Variants in ZNF469 observed in about 807,000 individuals in gnomAD.
The protein encoded by ZNF469 is zinc finger protein 469.
ZNF469 carries 1 observed loss-of-function variant against 1.0 expected under a neutral mutation model. The observed-to-expected ratio is 1.00, with a 90% CI of 0.35 to 4.73. The LOEUF is 4.73. ZNF469 is among the 30% of genes most tolerant of loss of function. The pLI, the probability that ZNF469 is intolerant of heterozygous loss-of-function variation, is 0.16. For synonymous variants in ZNF469, 2,703 were observed against 2,363.4 expected, an observed-to-expected ratio of 1.14 and a Z score of -4.17; for missense variants, 6,100 against 5,356.3, an observed-to-expected ratio of 1.14 and a Z score of -4.33.
the ZNF469 span, chr16:88,178,029 C>T: frequency 4.0e-4 from 61 of 152,426 alleles, no homozygotes; most frequent in Non-Finnish European, 6.0e-4. Flanking sequence ...ACTTTTGAGG[C>T]GGTGTTGACT....
At chr16:88,383,356 G>A (rs1236446084) in intron 1 of ZNF469, among the ~76,000 whole-genome samples, 102 bp downstream of exon 1, 1 of 147,674 alleles carries the variant, frequency 6.8e-6, no homozygotes, top group East Asian at 1.9e-4. Flanking sequence ...CTCCGGCCCG[G>A]CTCCCGCTCC....
chr16:88,133,600 T>A, the ZNF469 span, among the ~76,000 whole-genome samples: 2,298 of 150,380 alleles, frequency 0.015, 53 homozygotes, highest in African/African-American at 0.053. Context: ...ATAAATCAAA[T>A]CATTCAATAA....
the ZNF469 span, among the ~76,000 whole-genome samples, chr16:88,242,780 G>T: frequency 6.6e-6 from 1 of 152,216 alleles, no homozygotes; most frequent in African/African-American, 2.4e-5. Flanking sequence ...ATGGGGCTTG[G>T]CACTGTCTCT....
intron 1 of ZNF469, among the ~76,000 whole-genome samples, chr16:88,411,713 A>G (rs1159614360): frequency 6.6e-6 from 1 of 152,130 alleles, no homozygotes; most frequent in Admixed American, 6.5e-5. Flanking sequence ...TGCCAGCCCA[A>G]GTGCTGCAGG....
intron 1 of ZNF469, among the ~76,000 whole-genome samples, chr16:88,418,582 T>G (rs1905366597): frequency 7.6e-6 from 1 of 132,320 alleles, no homozygotes; most frequent in African/African-American, 2.8e-5. Context: ...TTCGAAGACA[T>G]CATTTTCTTT....
the ZNF469 span, chr16:88,276,634 T>C: frequency 2.0e-5 from 3 of 152,234 alleles, no homozygotes; most frequent in African/African-American, 7.2e-5. Context: ...CCTGCCTTTT[T>C]CCTTATGTTT....
At position 88,431,784 on chromosome 16, in the gene ZNF469, G is replaced by A. The variant is rs576048519; in HGVS notation, c.4314G>A (p.Glu1438=). Residue 1438 remains glutamate, a synonymous_variant, in exon 3 of 3, where the codon GAG becomes GAA. Coordinates refer to ENST00000565624, the MANE Select transcript of ZNF469 (RefSeq NM_001367624.2). ...QLPRSPPGTA[E]TEPGRAASPP... ...CAAGGAGCCCACCTGGCACCGCTGA[G>A]ACGGAGCCAGGCAGGGCTGCATCGC... 9.0e-5 allele frequency: 139 copies of A among 1,549,686 alleles called. No individual in the cohort carries two copies. The highest frequency in any genetic ancestry group is 1.1e-4 in the Non-Finnish European group (131 of 1,146,938).
Position 88,428,771 on chromosome 16 carries a change from C to G in ZNF469, c.1301C>G (p.Pro434Arg). 2 of 1,545,666 alleles carry G rather than the reference C, an allele frequency of 1.3e-6. No individual in the cohort carries two copies. The highest frequency in any genetic ancestry group is 1.7e-6 in the Non-Finnish European group (2 of 1,145,748). ...DTELAAPGPP[P>R]ARLPQLWDPT... is the part of the protein sequence containing the mutation. The stretch of plus-strand genomic sequence containing the variant: ...GAGCTGGCCGCCCCAGGGCCCCCAC[C>G]CGCCAGGCTGCCCCAGCTGTGGGAC... The change falls in exon 3 of 3, where the codon CCC (proline) becomes CGC (arginine). Residue 434 changes from proline to arginine, a missense_variant. Physicochemically the swap from Pro to Arg is moderately radical, Grantham distance 103. Coordinates refer to ENST00000565624, the MANE Select transcript of ZNF469 (RefSeq NM_001367624.2).
chr16:88,403,531 G>A (rs1171583143), intron 1 of ZNF469, among the ~76,000 whole-genome samples: 1 of 152,034 alleles, frequency 6.6e-6, no homozygotes, highest in Non-Finnish European at 1.5e-5. Context: ...CTGCAGCCGG[G>A]CCTGTGAGCT....
chr16:88,376,907 C>A, the ZNF469 span, among the ~76,000 whole-genome samples: 1 of 152,306 alleles, frequency 6.6e-6, no homozygotes, highest in Non-Finnish European at 1.5e-5. Context: ...CTCCTCCCAG[C>A]GTGCCCCGAG....
In ZNF469 at chr16:88,428,442, C is replaced by T. The variant is rs1321074602; in HGVS notation, c.972C>T (p.Tyr324=). 2 of 1,548,264 alleles carry T rather than the reference C, an allele frequency of 1.3e-6. No homozygotes were observed. Residue 324 remains tyrosine, a synonymous_variant, in exon 3 of 3, where the codon TAC becomes TAT. Coordinates refer to ENST00000565624, the MANE Select transcript of ZNF469 (RefSeq NM_001367624.2). ...PEEAVGTGPA[Y]PLPTQPAPSP... ...AGGCCGTGGGCACGGGCCCTGCCTA[C>T]CCGCTGCCCACCCAGCCTGCGCCCT...
chr16:88,414,817 C>T (rs1905263166), intron 1 of ZNF469, among the ~76,000 whole-genome samples: 1 of 152,270 alleles, frequency 6.6e-6, no homozygotes, highest in Admixed American at 6.5e-5. Flanking sequence ...CAGGACAGCC[C>T]CGCCCAGACG....
chr16:88,429,114 C>A lies in ZNF469; in HGVS notation c.1644C>A (p.Phe548Leu). 2 of 1,550,012 alleles carry A rather than the reference C, an allele frequency of 1.3e-6. No homozygotes were observed. Among genetic ancestry groups the A allele is most frequent in the Non-Finnish European group, 1.7e-6 (2 of 1,146,876 alleles). Residue 548 changes from phenylalanine to leucine, a missense_variant, in exon 3 of 3, where the codon TTC becomes TTA. Transcript: ENST00000565624. ...GCCAGGGCGGCTCCCCAGCACTGTT[C>A]ACCTACAACGGAATGACAGACCCTG... is the stretch of plus-strand genomic sequence containing the variant. ...RSSQGGSPAL[F>L]TYNGMTDPGA... is the part of the protein sequence containing the mutation.
chr16:88,301,314 C>T, the ZNF469 span, among the ~76,000 whole-genome samples: 1 of 152,072 alleles, frequency 6.6e-6, no homozygotes, highest in African/African-American at 2.4e-5. Context: ...GCTACCACGC[C>T]TGGCTAATTT....
At chr16:88,387,492 C>A (rs969923368) in intron 1 of ZNF469, among the ~76,000 whole-genome samples, 1 of 152,182 alleles carries the variant, frequency 6.6e-6, no homozygotes. Flanking sequence ...GTCCCGAGTC[C>A]GGAGGACCAG....
the ZNF469 span, among the ~76,000 whole-genome samples, chr16:88,163,287 G>A: frequency 9.6e-3 from 63 of 6,562 alleles, 23 homozygotes; most frequent in African/African-American, 0.058. Context: ...AGATAGGTGG[G>A]CAGTTGTGTG....
the ZNF469 span, among the ~76,000 whole-genome samples, chr16:88,310,399 C>G: frequency 7.1e-6 from 1 of 141,374 alleles, no homozygotes; most frequent in African/African-American, 2.5e-5. Flanking sequence ...GCCTGGGGCT[C>G]TGGTCACATC....
chr16:88,230,190 G>T, the ZNF469 span, among the ~76,000 whole-genome samples: 1 of 152,250 alleles, frequency 6.6e-6, no homozygotes, highest in Non-Finnish European at 1.5e-5. Context: ...CCCGCTCGTG[G>T]TTTTCCCAGA....
At chr16:88,200,963 C>T in the ZNF469 span, among the ~76,000 whole-genome samples, 4 of 152,224 alleles carry the variant, frequency 2.6e-5, no homozygotes, top group African/African-American at 9.6e-5. Context: ...TGCAGCAGGC[C>T]CCACTGTGTG....
Sources: gnomAD v4.1 joint callset for allele counts (sites outside exome capture counted in the v4.1 genomes callset) on GRCh38, gnomAD v4.1.1 for gene constraint, MANE v1.5 for transcripts, NCBI Gene and HGNC (gene_info 2026-07-23, HGNC 2026-07-21) for gene names.